ALPK3: variants seen among roughly 807,000 people sequenced by gnomAD.
ALPK3 encodes the protein alpha-protein kinase 3.
A neutral mutation model predicts 140.0 loss-of-function variants in ALPK3; 102 were observed. The observed-to-expected ratio is 0.73, with a 90% confidence interval of 0.62 to 0.86. ALPK3 has a LOEUF of 0.86. Ranked by LOEUF, ALPK3 falls within the 40% of genes least tolerant of loss-of-function variation. The pLI is 0.00. For synonymous variants in ALPK3, 938 were observed against 898.5 expected, an observed-to-expected ratio of 1.04 and a Z score of -0.79; for missense variants, 2,254 against 2,208.2, an observed-to-expected ratio of 1.02 and a Z score of -0.42.
rs1229499249 is a variant in ALPK3 at position 84,863,593 on chromosome 15, CT to C, written c.4454del (p.Phe1485SerfsTer22). The C allele has an allele frequency of 6.2e-7, 1 of 1,613,974 alleles. No individual in the cohort carries two copies. The highest frequency in any genetic ancestry group is 8.5e-7 in the Non-Finnish European group (1 of 1,179,998). On this transcript the variant is annotated frameshift_variant, in exon 11 of 14. Coordinates refer to ENST00000258888, the MANE Select transcript of ALPK3 (RefSeq NM_020778.5). LOFTEE classifies it high-confidence loss of function. ...ACATGAGTCGGGAGTACTGCAAAAT[CT>C]TCGCAGCAGAAGCCCGGGCCGCGCC... ...QNMSREYCKI[F>X]AAEARAAPGF...
At position 84,860,086 on chromosome 15, in the gene ALPK3, C is replaced by G; in HGVS notation, c.4129+14C>G. 1 of 1,614,016 alleles carries G rather than the reference C, an allele frequency of 6.2e-7. No homozygotes were observed. The highest frequency in any genetic ancestry group is 2.2e-5 in the East Asian group (1 of 44,876). ...AAGAAGGTGAAGGTATGGTTCCCCC[C>G]TGGGGAAGGCGGGGTGGTCCTACCC... On this transcript the variant is annotated intron_variant, in intron 9 of 13. Coordinates refer to ENST00000258888, the MANE Select transcript of ALPK3 (RefSeq NM_020778.5).
chr15:84,827,645 C>T (rs767829997), intron 3 of ALPK3, 40 bp downstream of exon 3: 2 of 1,611,566 alleles, frequency 1.2e-6, no homozygotes, highest in Non-Finnish European at 1.7e-6. Context: ...AGGGCCTCTG[C>T]ACAGAGCAGG....
intron 3 of ALPK3, among the ~76,000 whole-genome samples, chr15:84,828,996 A>T (rs1048290872): frequency 6.6e-6 from 1 of 152,210 alleles, no homozygotes; most frequent in Admixed American, 6.5e-5. Context: ...AAAGTCCTTA[A>T]TCCTTCTTTT....
intron 3 of ALPK3, among the ~76,000 whole-genome samples, chr15:84,830,530 T>A (rs1418968708): frequency 6.6e-6 from 1 of 152,228 alleles, no homozygotes; most frequent in Admixed American, 6.5e-5. Context: ...ACAGTTACCA[T>A]CCTCTAGATT....
intron 12 of ALPK3, among the ~76,000 whole-genome samples, chr15:84,866,908 G>A (rs1180459168): frequency 6.6e-6 from 1 of 152,194 alleles, no homozygotes; most frequent in African/African-American, 2.4e-5. Context: ...ATAGCTGGAA[G>A]AGTTTTGGCT....
rs771958254 is a variant in ALPK3, at chr15:84,862,679, C to G, written c.4174C>G (p.Leu1392Val). The G allele has an allele frequency of 2.5e-5, 40 of 1,614,126 alleles. No homozygotes were observed. Among genetic ancestry groups the G allele is most frequent in the Non-Finnish European group, 3.4e-5 (40 of 1,180,022 alleles). ...GACCCCTATGGTGTTTGCTAAGGGT[C>G]TGGCTGACTCTGGCTGCTGGGGGGA... ...EMTPMVFAKG[L>V]ADSGCWGDKL... The change falls in exon 10 of 14, where the codon CTG becomes GTG. Residue 1392 changes from leucine (L) to valine (V), a missense_variant. Physicochemically the swap from Leu to Val is conservative, Grantham distance 32 (BLOSUM62 1). This residue lies in a region of ALPK3 where 2,088 missense variants were observed against 2,022.9 expected (regional missense o/e 1.03). Transcript: ENST00000258888.
At chr15:84,843,437 AGACTAAGG>A (rs1963689818) in intron 5 of ALPK3, among the ~76,000 whole-genome samples, 1 of 152,128 alleles carries the variant, frequency 6.6e-6, no homozygotes, top group Non-Finnish European at 1.5e-5. Flanking sequence ...TAGTCTCATG[AGACTAAGG>A]AGACAAAAAT....
At chr15:84,824,208 A>G (rs1963460126) in intron 2 of ALPK3, among the ~76,000 whole-genome samples, 1 of 152,242 alleles carries the variant, frequency 6.6e-6, no homozygotes, top group Non-Finnish European at 1.5e-5. Context: ...CTGTGAGATC[A>G]GAGAATACCA....
At position 84,860,085 on chromosome 15, in the gene ALPK3, C is replaced by G. The variant is rs372545530; in HGVS notation, c.4129+13C>G. 14 of 1,614,004 alleles carry G rather than the reference C, an allele frequency of 8.7e-6. No individual in the cohort carries two copies. Among genetic ancestry groups the G allele is most frequent in the Middle Eastern group, 1.7e-4 (1 of 6,060 alleles). ...GAAGAAGGTGAAGGTATGGTTCCCC[C>G]CTGGGGAAGGCGGGGTGGTCCTACC... On this transcript the variant is annotated intron_variant, in intron 9 of 13. Transcript: ENST00000258888.
At chr15:84,845,483 A>C (rs1963719224) in intron 5 of ALPK3, among the ~76,000 whole-genome samples, 1 of 152,072 alleles carries the variant, frequency 6.6e-6, no homozygotes, top group South Asian at 2.1e-4. Context: ...ATTTGGCCAG[A>C]AGACTGAAAA....
At chr15:84,847,310 A>C (rs185099255) in intron 5 of ALPK3, among the ~76,000 whole-genome samples, 1 of 151,990 alleles carries the variant, frequency 6.6e-6, no homozygotes, top group Admixed American at 6.6e-5. Flanking sequence ...AAAAAGTCTA[A>C]CATTTGTGTC....
intron 5 of ALPK3, among the ~76,000 whole-genome samples, chr15:84,849,413 C>T (rs1963775353): frequency 6.6e-6 from 1 of 152,176 alleles, no homozygotes; most frequent in Non-Finnish European, 1.5e-5. Flanking sequence ...CAGCAACCAA[C>T]TATCTAATAG....
intron 5 of ALPK3, among the ~76,000 whole-genome samples, chr15:84,846,338 A>G (rs1260095477): frequency 6.6e-6 from 1 of 152,244 alleles, no homozygotes; most frequent in Non-Finnish European, 1.5e-5. Context: ...TGGAAAGACA[A>G]TCAAAGAGTG....
Position 84,840,854 on chromosome 15 carries a change from G to A in ALPK3, c.1575G>A (p.Pro525=), listed in dbSNP as rs1297069323. ...KAPPQASVQV[P]TPPARRRHGT... ...CACCTCAGGCCTCTGTGCAGGTGCCGACGCCCCCTGCCCGGCGGAGACATG... is the reference window on the plus strand; with the variant it reads ...CACCTCAGGCCTCTGTGCAGGTGCCAACGCCCCCTGCCCGGCGGAGACATG... The change falls in exon 5 of 14, where the codon CCG becomes CCA. Residue 525 remains proline (P), a synonymous_variant. Transcript: ENST00000258888. 4 of 1,614,076 alleles carry A rather than the reference G, an allele frequency of 2.5e-6. No individual in the cohort carries two copies. The highest frequency in any genetic ancestry group is 1.1e-5 in the South Asian group (1 of 91,078).
chr15:84,839,647 G>A, intron 4 of ALPK3, 55 bp from the exon 5 acceptor site: 2 of 1,534,500 alleles, frequency 1.3e-6, no homozygotes, highest in Non-Finnish European at 1.7e-6. Flanking sequence ...TGGGGGGTGT[G>A]GGGGCTCTCA....
intron 1 of ALPK3, among the ~76,000 whole-genome samples, chr15:84,819,450 C>G (rs897462676): frequency 6.6e-6 from 1 of 152,182 alleles, no homozygotes; most frequent in African/African-American, 2.4e-5. Context: ...TATCAGGCAT[C>G]TGGAAAAGCC....
At chr15:84,848,303 A>T (rs1963760148) in intron 5 of ALPK3, among the ~76,000 whole-genome samples, 1 of 150,470 alleles carries the variant, frequency 6.6e-6, no homozygotes, top group East Asian at 1.9e-4. Context: ...TATAATATAT[A>T]AGACAAATAC....
At chr15:84,847,225 G>GAT (rs1963742493) in intron 5 of ALPK3, among the ~76,000 whole-genome samples, 1 of 150,736 alleles carries the variant, frequency 6.6e-6, no homozygotes, top group Admixed American at 6.6e-5. Context: ...GAGAGAGAGA[G>GAT]AGAGAGAGAG....
intron 9 of ALPK3, among the ~76,000 whole-genome samples, chr15:84,862,358 G>A (rs1449616011): frequency 1.3e-5 from 2 of 152,014 alleles, no homozygotes; most frequent in Non-Finnish European, 2.9e-5. Context: ...CACTGTGTTT[G>A]GACAGTGCTT....
Sources: gnomAD v4.1 joint callset for allele counts (sites outside exome capture counted in the v4.1 genomes callset) on GRCh38, gnomAD v4.1.1 for gene constraint, gnomAD v4.1.1 regional missense constraint, MANE v1.5 for transcripts, NCBI Gene and HGNC (gene_info 2026-07-23, HGNC 2026-07-21) for gene names.